ZNF438: variants seen among roughly 807,000 people sequenced by gnomAD.
The protein encoded by ZNF438 is zinc finger protein 438.
In ZNF438, 25 loss-of-function variants were observed where a neutral mutation model predicts 38.0. That is an observed-to-expected ratio of 0.66 (90% CI 0.48 to 0.92). The LOEUF is 0.92. Among genes scored for constraint, ZNF438 ranks in the 40% least tolerant of loss-of-function variants. ZNF438 has a pLI of 0.00. For missense variants in ZNF438, 1,007 were observed against 999.6 expected (o/e 1.01, Z -0.10); for synonymous variants, 372 against 364.1 (o/e 1.02, Z -0.25).
chr10:30,938,327 G>C (rs907439051), intron 2 of ZNF438, among the ~76,000 whole-genome samples: 1 of 151,398 alleles, frequency 6.6e-6, no homozygotes, highest in Non-Finnish European at 1.5e-5. Flanking sequence ...GCCCAGGCTG[G>C]AGTGCAATGG....
At chr10:30,880,895 CAG>C (rs35466091) in intron 3 of ZNF438, among the ~76,000 whole-genome samples, 20,054 of 152,012 alleles carry the variant, frequency 0.13, 1,642 homozygotes, top group Middle Eastern at 0.25. Context: ...ATTATTTAAA[CAG>C]ACACAAAAAT....
intron 1 of ZNF438, among the ~76,000 whole-genome samples, chr10:31,026,379 T>C (rs1284941485): frequency 2.7e-5 from 3 of 112,164 alleles, no homozygotes; most frequent in Non-Finnish European, 5.5e-5. Flanking sequence ...ACAAAGAACT[T>C]AAACAAATTT....
At chr10:30,999,076 T>C (rs1001486619) in intron 1 of ZNF438, among the ~76,000 whole-genome samples, 1 of 152,110 alleles carries the variant, frequency 6.6e-6, no homozygotes, top group African/African-American at 2.4e-5. Flanking sequence ...ATTGTGCTCT[T>C]ATCCAAGCGG....
intron 1 of ZNF438, among the ~76,000 whole-genome samples, chr10:30,994,657 C>A (rs2053862697): frequency 6.6e-6 from 1 of 152,050 alleles, no homozygotes; most frequent in Admixed American, 6.6e-5. Context: ...TGGTATTGGT[C>A]TTTGGTATTC....
chr10:30,925,485 AG>A (rs1320411063), intron 2 of ZNF438, among the ~76,000 whole-genome samples: 3 of 152,264 alleles, frequency 2.0e-5, no homozygotes, highest in African/African-American at 7.2e-5. Context: ...AAGACAAAAA[AG>A]AGATGCAATA....
chr10:30,906,936 T>C (rs1341596223), intron 3 of ZNF438, among the ~76,000 whole-genome samples: 1 of 152,224 alleles, frequency 6.6e-6, no homozygotes. Context: ...ATGCTTTTCA[T>C]ATGTCACTAG....
intron 3 of ZNF438, among the ~76,000 whole-genome samples, chr10:30,903,990 A>G (rs1395325355): frequency 1.3e-5 from 2 of 149,734 alleles, no homozygotes; most frequent in South Asian, 2.1e-4. Flanking sequence ...ACAGCACAAC[A>G]AATTGAAAAC....
At chr10:30,970,475 G>A (rs998184153) in intron 1 of ZNF438, among the ~76,000 whole-genome samples, 1 of 152,144 alleles carries the variant, frequency 6.6e-6, no homozygotes, top group African/African-American at 2.4e-5. Context: ...GTGTCATGAA[G>A]CTGTTCAAAG....
chr10:30,976,635 G>C (rs1158315533), intron 1 of ZNF438, among the ~76,000 whole-genome samples: 1 of 151,882 alleles, frequency 6.6e-6, no homozygotes, highest in Non-Finnish European at 1.5e-5. Context: ...GTACCAGCTA[G>C]CCAGGAGGAT....
rs115804242 is a variant in ZNF438 at position 30,910,875 on chromosome 10, G to A, written c.-114-1860C>T. 9.4e-3 allele frequency among the ~76,000 whole-genome samples: 1,431 copies of A among 151,808 alleles called. 23 individuals are homozygous for A. The highest frequency in any genetic ancestry group is 0.032 in the African/African-American group (1,323 of 41,378). ...TCAATATATCTTTTTATGAAAAATC[G>A]AAACTAAAATTTCATATTTTCTGGA... On this transcript the variant is annotated intron_variant, in intron 2 of 5. Coordinates refer to ENST00000413025, the Ensembl canonical transcript of ZNF438.
intron 4 of ZNF438, among the ~76,000 whole-genome samples, chr10:30,866,764 G>A (rs1212982170): frequency 2.6e-5 from 4 of 151,922 alleles, no homozygotes; most frequent in Admixed American, 2.6e-4. Context: ...AACCTGGGAG[G>A]TGGAGCTTGC....
intron 1 of ZNF438, among the ~76,000 whole-genome samples, chr10:31,002,976 G>A (rs1446973432): frequency 6.6e-6 from 1 of 152,206 alleles, no homozygotes; most frequent in Non-Finnish European, 1.5e-5. Context: ...GGCCTGGAAT[G>A]TATAGCCTTT....
intron 2 of ZNF438, among the ~76,000 whole-genome samples, chr10:30,911,485 T>C (rs1348907551): frequency 6.6e-6 from 1 of 152,148 alleles, no homozygotes; most frequent in Non-Finnish European, 1.5e-5. Context: ...ATGCCTCCCG[T>C]CTCCTTCTCA....
chr10:31,023,735 T>C (rs931861197), intron 1 of ZNF438, among the ~76,000 whole-genome samples: 1 of 152,214 alleles, frequency 6.6e-6, no homozygotes, highest in Non-Finnish European at 1.5e-5. Flanking sequence ...CTACTCAACC[T>C]TTCCACTTAA....
At chr10:30,955,824 A>AT (rs1279652528) in intron 1 of ZNF438, among the ~76,000 whole-genome samples, 3 of 151,988 alleles carry the variant, frequency 2.0e-5, no homozygotes, top group Admixed American at 6.6e-5. Context: ...ACTTATTATT[A>AT]TTTTTTTTAG....
At chr10:31,010,936 A>T (rs1319326823) in intron 1 of ZNF438, among the ~76,000 whole-genome samples, 1 of 146,886 alleles carries the variant, frequency 6.8e-6, no homozygotes, top group Non-Finnish European at 1.5e-5. Flanking sequence ...TTTGTTGAGA[A>T]GGACAGACAG....
chr10:30,916,119 GTTC>G (rs2043602831), intron 2 of ZNF438, among the ~76,000 whole-genome samples: 1 of 151,938 alleles, frequency 6.6e-6, no homozygotes, highest in Admixed American at 6.6e-5. Context: ...GATTTCAGTA[GTTC>G]TTCTAATTCG....
chr10:30,854,800 C>T (rs995975797), intron 4 of ZNF438, among the ~76,000 whole-genome samples: 2 of 151,874 alleles, frequency 1.3e-5, no homozygotes, highest in Non-Finnish European at 2.9e-5. Flanking sequence ...GGGATTAGAG[C>T]GAAGACAGAG....
At chr10:30,905,449 T>C (rs1179912476) in intron 3 of ZNF438, among the ~76,000 whole-genome samples, 1 of 152,334 alleles carries the variant, frequency 6.6e-6, no homozygotes, top group Non-Finnish European at 1.5e-5. Context: ...CCAGTTTTAA[T>C]TGGGTTATTT....
Sources: gnomAD v4.1 joint callset for allele counts (sites outside exome capture counted in the v4.1 genomes callset) on GRCh38, gnomAD v4.1.1 for gene constraint, MANE v1.5 for transcripts, NCBI Gene and HGNC (gene_info 2026-07-23, HGNC 2026-07-21) for gene names.